Variants in HSDL2 observed in about 807,000 individuals in gnomAD.
HSDL2 encodes hydroxysteroid dehydrogenase-like protein 2.
A neutral mutation model predicts 46.3 loss-of-function variants in HSDL2; 27 were observed. The observed-to-expected ratio is 0.58, with a 90% CI of 0.43 to 0.80. The LOEUF (loss-of-function observed/expected upper bound fraction) is 0.80, where lower values mean the gene tolerates loss of function less well. Among genes scored for constraint, HSDL2 ranks in the 30% least tolerant of loss-of-function variants. HSDL2 has a pLI of 0.00. For missense variants in HSDL2, 451 were observed against 502.7 expected (o/e 0.90, Z 0.98); for synonymous variants, 153 against 163.6 (o/e 0.94, Z 0.50).
At chr9:112,467,544 TC>T (rs1020472292) in intron 10 of HSDL2, among the ~76,000 whole-genome samples, 1 of 152,216 alleles carries the variant, frequency 6.6e-6, no homozygotes, top group Non-Finnish European at 1.5e-5. Flanking sequence ...TTGTTTCTCT[TC>T]CTTTTCTTAT....
At chr9:112,435,879 C>G (rs1233701043) in intron 6 of HSDL2, among the ~76,000 whole-genome samples, 2 of 151,906 alleles carry the variant, frequency 1.3e-5, no homozygotes, top group African/African-American at 4.8e-5. Context: ...ATTATAGGCT[C>G]TAGCCACAAC....
At chr9:112,381,316 G>A (rs536599164) in intron 1 of HSDL2, among the ~76,000 whole-genome samples, 1 of 152,202 alleles carries the variant, frequency 6.6e-6, no homozygotes, top group East Asian at 1.9e-4. Context: ...GGCATGCACC[G>A]CTGTGCCCAG....
chr9:112,390,181 A>T (rs1009788853), intron 1 of HSDL2, among the ~76,000 whole-genome samples: 1 of 152,108 alleles, frequency 6.6e-6, no homozygotes, highest in Non-Finnish European at 1.5e-5. Flanking sequence ...ATAAATTGGA[A>T]TCATTTGCCT....
intron 9 of HSDL2, among the ~76,000 whole-genome samples, chr9:112,458,197 C>T (rs982410096): frequency 2.0e-5 from 3 of 152,152 alleles, no homozygotes; most frequent in Admixed American, 2.0e-4. Flanking sequence ...TCCCTCTACC[C>T]TGTCCATCTA....
chr9:112,386,960 A>C (rs922671410), intron 1 of HSDL2, among the ~76,000 whole-genome samples: 1 of 152,320 alleles, frequency 6.6e-6, no homozygotes, highest in African/African-American at 2.4e-5. Context: ...CAGTGATTAA[A>C]AGAGAAACTC....
intron 10 of HSDL2, among the ~76,000 whole-genome samples, chr9:112,462,599 GATGTGTGTGTGTGTGTGT>G (rs1833244364): frequency 9.1e-6 from 1 of 109,382 alleles, no homozygotes; most frequent in African/African-American, 3.8e-5. Flanking sequence ...TGAGGAGGGG[GATGTGTGTGTGTGTGTGT>G]GTGTGTGTGT....
At chr9:112,412,289 TA>T (rs34189223) in intron 4 of HSDL2, among the ~76,000 whole-genome samples, 42,149 of 152,032 alleles carry the variant, frequency 0.28, 6,004 homozygotes, top group Middle Eastern at 0.39. Flanking sequence ...AAAAAGGTTT[TA>T]GACTGGGTTT....
chr9:112,448,853 G>A (rs1832811177), intron 8 of HSDL2, among the ~76,000 whole-genome samples: 1 of 152,174 alleles, frequency 6.6e-6, no homozygotes, highest in East Asian at 1.9e-4. Flanking sequence ...ACCACACCCA[G>A]CCTCTCTCTG....
chr9:112,436,960 C>CTTTTTTTTT (rs780957603), intron 6 of HSDL2, among the ~76,000 whole-genome samples: 23 of 126,778 alleles, frequency 1.8e-4, no homozygotes, highest in East Asian at 4.5e-4. Context: ...TTCTTTTTTT[C>CTTTTTTTTT]TTTTTTTTTT....
At chr9:112,448,738 G>T (rs1272768466) in intron 8 of HSDL2, among the ~76,000 whole-genome samples, 1 of 151,106 alleles carries the variant, frequency 6.6e-6, no homozygotes, top group African/African-American at 2.4e-5. Context: ...TTTATTTTTA[G>T]TAGAGACAGG....
chr9:112,418,830 T>A, intron 5 of HSDL2, 30 bp from the exon 6 acceptor site: 3 of 1,247,254 alleles, frequency 2.4e-6, no homozygotes, highest in Non-Finnish European at 2.2e-6. Context: ...TCTTTTATAA[T>A]TAAATTATTA....
chr9:112,400,196 G>A (rs1831557300), intron 1 of HSDL2, among the ~76,000 whole-genome samples: 1 of 152,142 alleles, frequency 6.6e-6, no homozygotes, highest in South Asian at 2.1e-4. Flanking sequence ...ATCACCTTGG[G>A]ATATCATTTC....
intron 1 of HSDL2, among the ~76,000 whole-genome samples, chr9:112,388,276 C>T (rs186706466): frequency 4.6e-5 from 7 of 151,572 alleles, no homozygotes; most frequent in Admixed American, 2.6e-4. Flanking sequence ...GCCTGACCAA[C>T]ATGGTGAAAT....
At chr9:112,408,599 T>C (rs1349405980) in intron 3 of HSDL2, among the ~76,000 whole-genome samples, 1 of 152,252 alleles carries the variant, frequency 6.6e-6, no homozygotes, top group Non-Finnish European at 1.5e-5. Context: ...ACCTAGGCTG[T>C]ATGGCATAGC....
Position 112,418,880 on chromosome 9 carries a change from G to C in HSDL2, c.520G>C (p.Gly174Arg). Residue 174 changes from glycine (G) to arginine (R), a missense_variant, in exon 6 of 11, where the codon GGT becomes CGT. Physicochemically the swap from Gly to Arg is moderately radical, Grantham distance 125. Transcript: ENST00000398805. ...QHCAYTIAKY[G>R]MSMYVLGMAE... Reference sequence around the variant, plus strand: ...TTCAGCTTATACCATTGCTAAGTATGGTATGTCTATGTATGTGCTTGGAAT... The same window carrying C: ...TTCAGCTTATACCATTGCTAAGTATCGTATGTCTATGTATGTGCTTGGAAT... 6.3e-7 allele frequency: 1 copy of C among 1,594,860 alleles called. No homozygotes were observed. Among genetic ancestry groups the C allele is most frequent in the Non-Finnish European group, 8.6e-7 (1 of 1,165,826 alleles).
At chr9:112,460,173 CT>C (rs557221068) in intron 10 of HSDL2, among the ~76,000 whole-genome samples, 226 of 152,310 alleles carry the variant, frequency 1.5e-3, no homozygotes, top group African/African-American at 5.1e-3. Context: ...AACTCAAATT[CT>C]AAAAAATTAG....
At chr9:112,393,364 T>A (rs2132603727) in intron 1 of HSDL2, among the ~76,000 whole-genome samples, 1 of 152,370 alleles carries the variant, frequency 6.6e-6, no homozygotes, top group African/African-American at 2.4e-5. Flanking sequence ...TATGGTGTGA[T>A]ACAGAAATCA....
At chr9:112,432,971 C>T (rs1832442672) in intron 6 of HSDL2, among the ~76,000 whole-genome samples, 1 of 151,810 alleles carries the variant, frequency 6.6e-6, no homozygotes, top group Non-Finnish European at 1.5e-5. Context: ...ACAGGGGTTT[C>T]ACCACATTGG....
intron 6 of HSDL2, among the ~76,000 whole-genome samples, chr9:112,421,004 A>G (rs1009231741): frequency 2.6e-4 from 39 of 152,322 alleles, no homozygotes; most frequent in African/African-American, 9.1e-4. Context: ...AAGAGAATGC[A>G]TAGTGGGAAC....
Sources: allele counts gnomAD v4.1 joint callset (sites outside exome capture counted in the v4.1 genomes callset), GRCh38; gene constraint gnomAD v4.1.1; transcripts MANE v1.5; gene names NCBI Gene and HGNC (gene_info 2026-07-23, HGNC 2026-07-21).